GRHL2: variants seen among roughly 807,000 people sequenced by gnomAD.
GRHL2 encodes grainyhead-like protein 2 homolog.
GRHL2 carries 21 observed loss-of-function variants against 83.8 expected under a neutral mutation model. The observed-to-expected ratio is 0.25, with a 90% CI of 0.18 to 0.36. The LOEUF is 0.36. Ranked by LOEUF, GRHL2 falls within the 10% of genes least tolerant of loss-of-function variation. The pLI, the probability that GRHL2 is intolerant of heterozygous loss-of-function variation, is 1.00. For synonymous variants in GRHL2, 280 were observed against 278.9 expected, an observed-to-expected ratio of 1.00 and a Z score of -0.04; for missense variants, 623 against 781.8, an observed-to-expected ratio of 0.80 and a Z score of 2.42.
chr8:101,498,308 TG>T (rs1810150399), intron 1 of GRHL2, among the ~76,000 whole-genome samples: 1 of 151,980 alleles, frequency 6.6e-6, no homozygotes, highest in Non-Finnish European at 1.5e-5. Flanking sequence ...TTAATAGAGA[TG>T]GGGTTTCATC....
In GRHL2 at chr8:101,599,981, A is replaced by G. The variant is rs145207555; in HGVS notation, c.1098+830A>G. Among the ~76,000 whole-genome samples the G allele has an allele frequency of 2.3e-4, 35 of 152,268 alleles. 1 individual carries two copies. In the South Asian group the frequency reaches 5.0e-3, roughly 22 times the overall value. ...TTGTTTTTTGCTTTGGTTCTGGACCATCTAGGAGGGTGTTAGAAGAGTTTG... is the reference window on the plus strand; with the variant it reads ...TTGTTTTTTGCTTTGGTTCTGGACCGTCTAGGAGGGTGTTAGAAGAGTTTG... On this transcript the variant is annotated intron_variant, in intron 8 of 15. Coordinates refer to ENST00000646743, the MANE Select transcript of GRHL2 (RefSeq NM_024915.4).
At chr8:101,633,807 G>A (rs1365152383) in intron 11 of GRHL2, among the ~76,000 whole-genome samples, 2 of 152,056 alleles carry the variant, frequency 1.3e-5, no homozygotes, top group Non-Finnish European at 2.9e-5. Flanking sequence ...TATGGGGCTA[G>A]GTTTCCACAC....
intron 9 of GRHL2, among the ~76,000 whole-genome samples, chr8:101,622,684 T>C (rs1311140005): frequency 6.6e-6 from 1 of 150,662 alleles, no homozygotes; most frequent in East Asian, 1.9e-4. Context: ...CCAACACTCT[T>C]TTTTAAAATT....
rs1811954999 is a variant in GRHL2, at chr8:101,577,400, C to T, written c.892-8C>T. The stretch of plus-strand genomic sequence containing the variant: ...AAAAAGTAAGCTCCACGATTCTCCC[C>T]TCTGCAGAGTGTGGTGATGGTGGTC... On this transcript the variant is annotated splice_region_variant and splice_polypyrimidine_tract_variant and intron_variant, in intron 6 of 15. Coordinates refer to ENST00000646743, the MANE Select transcript of GRHL2 (RefSeq NM_024915.4). 2 of 1,587,636 alleles carry T rather than the reference C, an allele frequency of 1.3e-6. No individual in the cohort carries two copies.
At chr8:101,551,366 T>C (rs954151386) in intron 2 of GRHL2, among the ~76,000 whole-genome samples, 2 of 152,184 alleles carry the variant, frequency 1.3e-5, no homozygotes, top group East Asian at 1.9e-4. Flanking sequence ...CAGAGTTTAC[T>C]GAGTGGTAGA....
Position 101,666,680 on chromosome 8 carries a change from A to G in GRHL2, c.1855A>G (p.Lys619Glu), listed in dbSNP as rs1351378617. ...CATGGAGAGCATGGTGGAGGGCTTC[A>G]AGGTCACGCTCATGGAAATCTAGCC... ...LNMESMVEGF[K>E]VTLMEI Residue 619 changes from lysine to glutamate, a missense_variant, in exon 16 of 16, where the codon AAG (lysine) becomes GAG (glutamate). By Grantham distance (56) the Lys-to-Glu change is moderately conservative. Coordinates refer to ENST00000646743, the MANE Select transcript of GRHL2 (RefSeq NM_024915.4). 12 of 1,611,798 alleles carry G rather than the reference A, an allele frequency of 7.4e-6. No homozygotes were observed. The South Asian group carries it at 1.3e-4, about 18-fold the overall frequency.
intron 14 of GRHL2, among the ~76,000 whole-genome samples, chr8:101,661,147 T>A (rs531419703): frequency 9.8e-5 from 15 of 152,328 alleles, no homozygotes; most frequent in African/African-American, 2.4e-4. Flanking sequence ...GCAATTTTTT[T>A]AAAAAGTCCA....
intron 8 of GRHL2, among the ~76,000 whole-genome samples, chr8:101,616,632 T>C (rs1812862876): frequency 6.6e-6 from 1 of 152,188 alleles, no homozygotes; most frequent in African/African-American, 2.4e-5. Context: ...GTGTTCTCCA[T>C]GCCCAGGGCT....
At chr8:101,547,976 G>A (rs758777798) in intron 2 of GRHL2, among the ~76,000 whole-genome samples, 3 of 152,166 alleles carry the variant, frequency 2.0e-5, no homozygotes, top group Non-Finnish European at 2.9e-5. Flanking sequence ...AAAATGTTTT[G>A]ACTTACTTTA....
intron 7 of GRHL2, among the ~76,000 whole-genome samples, chr8:101,585,503 C>G (rs578250409): frequency 2.6e-5 from 4 of 152,284 alleles, no homozygotes; most frequent in African/African-American, 9.6e-5. Flanking sequence ...CCCACGTCCT[C>G]CATAGGACCA....
At chr8:101,601,949 G>A (rs1258542466) in intron 8 of GRHL2, among the ~76,000 whole-genome samples, 1 of 152,100 alleles carries the variant, frequency 6.6e-6, no homozygotes, top group Non-Finnish European at 1.5e-5. Context: ...CATGCATTAG[G>A]TATTTGTCCT....
chr8:101,523,670 G>A (rs985471578), intron 1 of GRHL2, among the ~76,000 whole-genome samples: 1 of 151,828 alleles, frequency 6.6e-6, no homozygotes, highest in African/African-American at 2.4e-5. Context: ...TGTAAAGATG[G>A]GTTTTTGCCA....
At chr8:101,619,029 G>A (rs565044302) in intron 8 of GRHL2, among the ~76,000 whole-genome samples, 8 of 152,180 alleles carry the variant, frequency 5.3e-5, no homozygotes, top group South Asian at 4.2e-4. Flanking sequence ...TGAGGCAGGC[G>A]GATCACGAGG....
intron 7 of GRHL2, among the ~76,000 whole-genome samples, chr8:101,587,007 C>T (rs1327116878): frequency 6.6e-6 from 1 of 152,108 alleles, no homozygotes; most frequent in Non-Finnish European, 1.5e-5. Context: ...AATATATATA[C>T]TCATAAACAA....
chr8:101,625,146 G>T (rs1052953638), intron 9 of GRHL2, among the ~76,000 whole-genome samples: 1 of 152,146 alleles, frequency 6.6e-6, no homozygotes, highest in South Asian at 2.1e-4. Flanking sequence ...TATTCCAGGG[G>T]AGATTGTAGA....
At position 101,668,352 on chromosome 8, in the gene GRHL2, T is replaced by A. The variant is rs1814124177; in HGVS notation, c.*1649T>A. 2 of 152,712 alleles carry A rather than the reference T, an allele frequency of 1.3e-5. No individual in the cohort carries two copies. The highest frequency in any genetic ancestry group is 1.3e-4 in the Admixed American group (2 of 15,290). 9.5% of individuals were successfully genotyped at this position (152,712 alleles called of 1,614,324 possible). ...CCTGGAGGCCCGCTCTCTAAGGGCT[T>A]CCTGCGCTCCCACCTCATCTGTCCC... On this transcript the variant is annotated 3_prime_UTR_variant, in exon 16 of 16. Coordinates refer to ENST00000646743, the MANE Select transcript of GRHL2 (RefSeq NM_024915.4).
intron 9 of GRHL2, among the ~76,000 whole-genome samples, chr8:101,631,391 G>T (rs1444466352): frequency 6.6e-6 from 1 of 152,144 alleles, no homozygotes; most frequent in African/African-American, 2.4e-5. Context: ...AAATAGGAAA[G>T]ATACCAAAAA....
chr8:101,671,199 C>T (rs527333380), downstream of GRHL2, among the ~76,000 whole-genome samples: 8 of 152,242 alleles, frequency 5.3e-5, no homozygotes, highest in South Asian at 2.1e-4. Flanking sequence ...GTGCACCCTG[C>T]GCAAGCTGAA....
At chr8:101,556,862 A>G (rs1247475930) in intron 3 of GRHL2, among the ~76,000 whole-genome samples, 1 of 151,390 alleles carries the variant, frequency 6.6e-6, no homozygotes, top group Non-Finnish European at 1.5e-5. Context: ...CTAGTCCTTC[A>G]AATTACCATG....
Sources: gnomAD v4.1 joint callset for allele counts (sites outside exome capture counted in the v4.1 genomes callset) on GRCh38, gnomAD v4.1.1 for gene constraint, MANE v1.5 for transcripts, NCBI Gene and HGNC (gene_info 2026-07-23, HGNC 2026-07-21) for gene names.